Variants in OR10K1 observed in about 807,000 individuals in gnomAD.
OR10K1 encodes olfactory receptor 10K1.
For missense variants in OR10K1, 404 were observed against 373.3 expected (o/e 1.08, Z -0.68); for synonymous variants, 186 against 152.5 (o/e 1.22, Z -1.62).
intron 1 of OR10K1, among the ~76,000 whole-genome samples, chr1:158,463,384 C>A (rs1183743923): frequency 2.0e-5 from 3 of 152,112 alleles, no homozygotes; most frequent in Admixed American, 1.3e-4. Flanking sequence ...GAGCTGAATC[C>A]ATAGATCATA....
At chr1:158,462,534 G>A (rs1319052150) in intron 1 of OR10K1, among the ~76,000 whole-genome samples, 1 of 151,680 alleles carries the variant, frequency 6.6e-6, no homozygotes, top group African/African-American at 2.4e-5. Context: ...TTTCTGCTGT[G>A]TACTCCTGGA....
rs573938963 is a variant in OR10K1 at position 158,466,465 on chromosome 1, C to T, written c.904C>T (p.Arg302Ter). Residue 302 changes from arginine (R) to a stop codon, truncating the protein, a stop_gained, in exon 2 of 2, where the codon CGA (arginine) becomes TGA (stop). Transcript: ENST00000641535. LOFTEE classifies it low-confidence loss of function (END_TRUNC). ...LRNKEFKSALRRTIGQTFYPL... is the reference protein window; with the variant it reads ...LRNKEFKSAL ...AAATAAGGAATTCAAATCAGCCCTA[C>T]GAAGAACAATCGGCCAAACTTTCTA... 9.4e-5 allele frequency: 151 copies of T among 1,613,984 alleles called. No individual in the cohort carries two copies. Among genetic ancestry groups the T allele is most frequent in the Admixed American group, 8.2e-4 (49 of 60,012 alleles).
At position 158,466,736 on chromosome 1, in the gene OR10K1, A is replaced by T; in HGVS notation, c.*233A>T. The T allele has an allele frequency of 2.0e-6, 1 of 505,700 alleles. No homozygotes were observed. Among genetic ancestry groups the T allele is most frequent in the Non-Finnish European group, 3.5e-6 (1 of 288,002 alleles). The allele number at this position is 505,700 out of a possible 1,614,324, so 31.3% of individuals were successfully genotyped here. A position where few individuals can be genotyped will look rare whatever the true frequency, so the allele number is the denominator to read the frequency against. On this transcript the variant is annotated 3_prime_UTR_variant, in exon 2 of 2. Coordinates refer to ENST00000641535, the MANE Select transcript of OR10K1 (RefSeq NM_001004473.2). ...ACAGTTCCATAACAAATTTAATTAT[A>T]TTTTACTGCTTTAAATATTGCTAAT... is the stretch of plus-strand genomic sequence containing the variant.
intron 1 of OR10K1, among the ~76,000 whole-genome samples, chr1:158,464,095 A>C (rs186127863): frequency 5.7e-4 from 87 of 152,292 alleles, no homozygotes; most frequent in African/African-American, 1.9e-3. Context: ...AAGTAACAGC[A>C]ACAAAATTCT....
rs1385163696 is a variant in OR10K1, at chr1:158,466,103, T to A, written c.542T>A (p.Ile181Asn). 2 of 1,613,988 alleles carry A rather than the reference T, an allele frequency of 1.2e-6. No individual in the cohort carries two copies. Among genetic ancestry groups the A allele is most frequent in the Admixed American group, 3.3e-5 (2 of 60,016 alleles). ...SNQLHHFFCD[I>N]SPVLKLASQH... is the part of the protein sequence containing the mutation. ...CAGCTCCATCACTTCTTCTGTGACA[T>A]CTCCCCTGTCCTTAAACTGGCATCT... Residue 181 changes from isoleucine to asparagine, a missense_variant, in exon 2 of 2, where the codon ATC becomes AAC. Transcript: ENST00000641535.
Position 158,466,397 on chromosome 1 carries a change from C to A in OR10K1, c.836C>A (p.Thr279Asn), listed in dbSNP as rs746486697. The change falls in exon 2 of 2, where the codon ACC becomes AAC. Residue 279 changes from threonine to asparagine, a missense_variant. Coordinates refer to ENST00000641535, the MANE Select transcript of OR10K1 (RefSeq NM_001004473.2). ...SQDTLISVSY[T>N]ILTPLFNPMI... ...GACACCCTAATATCTGTGTCATACACCATCCTTACCCCATTGTTCAATCCA... is the reference window on the plus strand; with the variant it reads ...GACACCCTAATATCTGTGTCATACAACATCCTTACCCCATTGTTCAATCCA... 4.3e-6 allele frequency: 7 copies of A among 1,613,454 alleles called. No homozygotes were observed. The African/African-American group carries it at 9.3e-5, about 22-fold the overall frequency.
At chr1:158,462,246 T>C (rs1284480003) in intron 1 of OR10K1, among the ~76,000 whole-genome samples, 2 of 151,352 alleles carry the variant, frequency 1.3e-5, no homozygotes, top group Non-Finnish European at 2.9e-5. Context: ...TGCCATTGCA[T>C]TCCAGCCTGG....
intron 1 of OR10K1, 146 bp downstream of exon 1, chr1:158,462,050 T>C (rs979087300): frequency 6.6e-6 from 1 of 152,182 alleles, no homozygotes; most frequent in African/African-American, 2.4e-5. Flanking sequence ...GAGGACAAGA[T>C]GGGTGAATCA....
At position 158,466,858 on chromosome 1, in the gene OR10K1, CA is replaced by C. The variant is rs34100477; in HGVS notation, c.*368del. 0.055 allele frequency: 4,952 copies of C among 90,022 alleles called. 102 individuals are homozygous for C. Among genetic ancestry groups the C allele is most frequent in the South Asian group, 0.11 (345 of 3,086 alleles). 5.6% of individuals were successfully genotyped at this position (90,022 alleles called of 1,614,324 possible). A position where few individuals can be genotyped will look rare whatever the true frequency, so the allele number is the denominator to read the frequency against. On this transcript the variant is annotated 3_prime_UTR_variant, in exon 2 of 2. Coordinates refer to ENST00000641535, the MANE Select transcript of OR10K1 (RefSeq NM_001004473.2). Reference sequence around the variant, plus strand: ...TACATCAGGAAAGAAAAGATGTATCCAAAAAAAAAAAAAGAAAGAAAAAAGA... The same window carrying C: ...TACATCAGGAAAGAAAAGATGTATCCAAAAAAAAAAAAGAAAGAAAAAAGA...
Position 158,466,224 on chromosome 1 carries a change from C to G in OR10K1, c.663C>G (p.Ile221Met), listed in dbSNP as rs151132888. The G allele has an allele frequency of 6.2e-6, 10 of 1,614,162 alleles. No homozygotes were observed. The East Asian group carries it at 2.2e-4, about 36-fold the overall frequency. ...LLLILVSYIR[I>M]ISAILKIPSS... is the part of the protein sequence containing the mutation. ...TTATCCTAGTCTCCTACATCCGCAT[C>G]ATCTCTGCCATTCTAAAAATCCCTT... Residue 221 changes from isoleucine to methionine, a missense_variant, in exon 2 of 2, where the codon ATC becomes ATG. Coordinates refer to ENST00000641535, the MANE Select transcript of OR10K1 (RefSeq NM_001004473.2).
intron 1 of OR10K1, among the ~76,000 whole-genome samples, chr1:158,465,006 G>A (rs554993488): frequency 6.6e-6 from 1 of 152,240 alleles, no homozygotes; most frequent in East Asian, 1.9e-4. Flanking sequence ...ACTTCCAATA[G>A]TATTTCTTAT....
intron 1 of OR10K1, among the ~76,000 whole-genome samples, chr1:158,464,305 G>T (rs1221347499): frequency 1.3e-5 from 2 of 152,096 alleles, no homozygotes; most frequent in Non-Finnish European, 2.9e-5. Context: ...AATTTGTAAT[G>T]GCAGTTTGCA....
In OR10K1 at chr1:158,466,516, T is replaced by C. The variant is rs371099155; in HGVS notation, c.*13T>C. ...TCCTCTTAGTTAAAGAGCTATTTTT[T>C]AAACTACTAATGCCTAGTACATGCC... is the stretch of plus-strand genomic sequence containing the variant. On this transcript the variant is annotated 3_prime_UTR_variant, in exon 2 of 2. Transcript: ENST00000641535. 1.2e-5 allele frequency: 18 copies of C among 1,525,552 alleles called. No homozygotes were observed. Among genetic ancestry groups the C allele is most frequent in the South Asian group, 5.6e-5 (5 of 89,142 alleles). 94.5% of individuals were successfully genotyped at this position (1,525,552 alleles called of 1,614,324 possible). A position where few individuals can be genotyped will look rare whatever the true frequency, so the allele number is the denominator to read the frequency against.
At position 158,466,566 on chromosome 1, in the gene OR10K1, T is replaced by A; in HGVS notation, c.*63T>A. Reference sequence around the variant, plus strand: ...CAGGCAGAACGTGTGTTTTATACATTTTTTTTCATTTAATTGTCCAGCTCC... The same window carrying A: ...CAGGCAGAACGTGTGTTTTATACATATTTTTTCATTTAATTGTCCAGCTCC... On this transcript the variant is annotated 3_prime_UTR_variant, in exon 2 of 2. Transcript: ENST00000641535. 1.2e-6 allele frequency: 1 copy of A among 867,624 alleles called. No individual in the cohort carries two copies. The highest frequency in any genetic ancestry group is 2.6e-5 in the East Asian group (1 of 37,822). The allele number at this position is 867,624 out of a possible 1,614,324, so 53.7% of individuals were successfully genotyped here. A position where few individuals can be genotyped will look rare whatever the true frequency, so the allele number is the denominator to read the frequency against.
rs765936905 is a variant in OR10K1, at chr1:158,466,107, C to T, written c.546C>T (p.Ser182=). Residue 182 remains serine, a synonymous_variant, in exon 2 of 2, where the codon TCC becomes TCT. Transcript: ENST00000641535. The part of the protein sequence containing the change: ...NQLHHFFCDI[S]PVLKLASQHS... Reference sequence around the variant, plus strand: ...TCCATCACTTCTTCTGTGACATCTCCCCTGTCCTTAAACTGGCATCTCAGC... The same window carrying T: ...TCCATCACTTCTTCTGTGACATCTCTCCTGTCCTTAAACTGGCATCTCAGC... The T allele has an allele frequency of 4.3e-6, 7 of 1,613,790 alleles. No individual in the cohort carries two copies. The highest frequency in any genetic ancestry group is 5.9e-6 in the Non-Finnish European group (7 of 1,179,934).
intron 1 of OR10K1, among the ~76,000 whole-genome samples, chr1:158,463,317 TG>T (rs1253968441): frequency 6.6e-6 from 1 of 152,182 alleles, no homozygotes; most frequent in Non-Finnish European, 1.5e-5. Flanking sequence ...CAACACACTA[TG>T]GTGGTCCCTA....
Position 158,467,354 on chromosome 1 carries a change from T to C in OR10K1, c.*851T>C, listed in dbSNP as rs567253290. 1.1e-4 allele frequency: 16 copies of C among 152,304 alleles called. No individual in the cohort carries two copies. The highest frequency in any genetic ancestry group is 3.9e-4 in the Admixed American group (6 of 15,290). The allele number at this position is 152,304 out of a possible 1,614,324, so 9.4% of individuals were successfully genotyped here. A position where few individuals can be genotyped will look rare whatever the true frequency, so the allele number is the denominator to read the frequency against. ...ACAAGATAATGCCAAGGGTCCTTCATTGTCATGAATCTATCATCTAGTTTC... is the reference window on the plus strand; with the variant it reads ...ACAAGATAATGCCAAGGGTCCTTCACTGTCATGAATCTATCATCTAGTTTC... On this transcript the variant is annotated 3_prime_UTR_variant, in exon 2 of 2. Transcript: ENST00000641535.
In OR10K1 at chr1:158,465,886, T is replaced by C; in HGVS notation, c.325T>C (p.Ser109Pro). ...IQMFSFLFFGSSHSFLLAAMG... is the reference protein window; with the variant it reads ...IQMFSFLFFGPSHSFLLAAMG... ...AATGTTTTCCTTCCTCTTCTTTGGC[T>C]CCTCTCACTCCTTCCTGCTGGCAGC... is the stretch of plus-strand genomic sequence containing the variant. Residue 109 changes from serine to proline, a missense_variant, in exon 2 of 2, where the codon TCC becomes CCC. By Grantham distance (74) the Ser-to-Pro change is moderately conservative. Coordinates refer to ENST00000641535, the MANE Select transcript of OR10K1 (RefSeq NM_001004473.2). 1 of 1,614,178 alleles carries C rather than the reference T, an allele frequency of 6.2e-7. No individual in the cohort carries two copies. Among genetic ancestry groups the C allele is most frequent in the South Asian group, 1.1e-5 (1 of 91,082 alleles).
rs185874732 is a variant in OR10K1, at chr1:158,466,219, C to G, written c.658C>G (p.Arg220Gly). Residue 220 changes from arginine (R) to glycine (G), a missense_variant, in exon 2 of 2, where the codon CGC becomes GGC. Arg to Gly is a moderately radical substitution (Grantham distance 125). Transcript: ENST00000641535. ...PLLLILVSYI[R>G]IISAILKIPS... Reference sequence around the variant, plus strand: ...GCTACTTATCCTAGTCTCCTACATCCGCATCATCTCTGCCATTCTAAAAAT... The same window carrying G: ...GCTACTTATCCTAGTCTCCTACATCGGCATCATCTCTGCCATTCTAAAAAT... 5 of 1,614,094 alleles carry G rather than the reference C, an allele frequency of 3.1e-6. No individual in the cohort carries two copies. Among genetic ancestry groups the G allele is most frequent in the Non-Finnish European group, 4.2e-6 (5 of 1,180,016 alleles).
Sources: gnomAD v4.1 joint callset for allele counts (sites outside exome capture counted in the v4.1 genomes callset) on GRCh38, gnomAD v4.1.1 for gene constraint, MANE v1.5 for transcripts, NCBI Gene and HGNC (gene_info 2026-07-23, HGNC 2026-07-21) for gene names.